CSMD1: variants seen among roughly 807,000 people sequenced by gnomAD.
The protein encoded by CSMD1 is CUB and Sushi multiple domains 1.
Under a neutral mutation model 417.5 loss-of-function variants are expected in CSMD1, and 213 were observed. The ratio of observed to expected loss-of-function variants is 0.51; its 90% CI spans 0.46 to 0.57. The LOEUF (loss-of-function observed/expected upper bound fraction) is 0.57. Ranked by LOEUF, CSMD1 falls within the 20% of genes least tolerant of loss-of-function variation. The probability of loss-of-function intolerance (pLI) is 0.00; values close to 1 mark genes in which losing one functional copy is unlikely to be tolerated. For missense variants in CSMD1, 6,923 were observed against 4,529.7 expected, an observed-to-expected ratio of 1.53 and a Z score of -15.17; for synonymous variants, 2,862 against 1,736.8, an observed-to-expected ratio of 1.65 and a Z score of -16.11.
At chr8:4,984,602 C>T (rs542260847) in intron 1 of CSMD1, among the ~76,000 whole-genome samples, 2 of 152,310 alleles carry the variant, frequency 1.3e-5, no homozygotes, top group African/African-American at 4.8e-5. Flanking sequence ...CTGTTCCCTT[C>T]CTCCTCCATT....
chr8:4,687,141 G>A (rs983633029), intron 1 of CSMD1, among the ~76,000 whole-genome samples: 5 of 152,206 alleles, frequency 3.3e-5, no homozygotes, highest in African/African-American at 9.6e-5. Flanking sequence ...CATGGGCCAG[G>A]GAAGAGCACC....
intron 41 of CSMD1, among the ~76,000 whole-genome samples, chr8:3,133,134 C>T (rs534949412): frequency 6.8e-4 from 104 of 152,320 alleles, no homozygotes; most frequent in African/African-American, 1.7e-3. Flanking sequence ...CAGCGTGGGC[C>T]GGCACACAGC....
chr8:3,961,210 T>C (rs1420582388), intron 5 of CSMD1, among the ~76,000 whole-genome samples: 1 of 152,164 alleles, frequency 6.6e-6, no homozygotes, highest in Non-Finnish European at 1.5e-5. Context: ...TTGTCTCAAT[T>C]AAGGAGATTT....
At chr8:3,836,491 G>C (rs982203505) in intron 5 of CSMD1, among the ~76,000 whole-genome samples, 3 of 152,106 alleles carry the variant, frequency 2.0e-5, no homozygotes, top group Admixed American at 6.6e-5. Flanking sequence ...GATTGTTGCT[G>C]TATATACTAA....
chr8:3,416,100 G>A (rs889970985), intron 12 of CSMD1, among the ~76,000 whole-genome samples: 2 of 152,072 alleles, frequency 1.3e-5, no homozygotes, highest in African/African-American at 4.8e-5. Flanking sequence ...AGGAGATCGA[G>A]ACCATCCTGG....
At chr8:3,652,231 A>G (rs1037418313) in intron 7 of CSMD1, among the ~76,000 whole-genome samples, 2 of 151,474 alleles carry the variant, frequency 1.3e-5, no homozygotes, top group Non-Finnish European at 2.9e-5. Context: ...CATCACCACC[A>G]GAGCGCCTAC....
chr8:4,512,221 AC>A (rs1354220250), intron 2 of CSMD1, among the ~76,000 whole-genome samples: 2 of 152,232 alleles, frequency 1.3e-5, no homozygotes, highest in Non-Finnish European at 2.9e-5. Flanking sequence ...AAAGCAATTA[AC>A]AAAATCCAAT....
intron 3 of CSMD1, among the ~76,000 whole-genome samples, chr8:4,186,896 T>G (rs953797418): frequency 5.9e-5 from 9 of 151,410 alleles, no homozygotes; most frequent in African/African-American, 2.2e-4. Context: ...CTCGGGAGGC[T>G]GAGGCAGGAG....
At chr8:4,291,006 T>G (rs890043774) in intron 3 of CSMD1, among the ~76,000 whole-genome samples, 1 of 152,294 alleles carries the variant, frequency 6.6e-6, no homozygotes, top group East Asian at 1.9e-4. Flanking sequence ...AATGTATATG[T>G]AATGATGTCA....
At chr8:4,728,252 T>C (rs1809602670) in intron 1 of CSMD1, among the ~76,000 whole-genome samples, 1 of 150,224 alleles carries the variant, frequency 6.7e-6, no homozygotes, top group Admixed American at 6.7e-5. Flanking sequence ...TGATATGAAG[T>C]AAAATGCATG....
chr8:3,145,073 G>T (rs919478341), intron 40 of CSMD1, among the ~76,000 whole-genome samples: 53 of 144,008 alleles, frequency 3.7e-4, no homozygotes, highest in African/African-American at 1.3e-3. Context: ...GCATGCATTT[G>T]TGTGTCTGTG....
At chr8:4,757,295 C>T (rs368648005) in intron 1 of CSMD1, among the ~76,000 whole-genome samples, 6 of 152,288 alleles carry the variant, frequency 3.9e-5, no homozygotes, top group Non-Finnish European at 5.9e-5. Flanking sequence ...AAAAGATATA[C>T]GTGACTAATC....
chr8:4,782,427 A>T (rs991862206), intron 1 of CSMD1, among the ~76,000 whole-genome samples: 4 of 152,150 alleles, frequency 2.6e-5, no homozygotes, highest in African/African-American at 9.7e-5. Flanking sequence ...AAGACACCAC[A>T]GTTTTATTTT....
At chr8:4,653,277 C>T (rs1423427857) in intron 1 of CSMD1, among the ~76,000 whole-genome samples, 1 of 152,028 alleles carries the variant, frequency 6.6e-6, no homozygotes, top group Non-Finnish European at 1.5e-5. Flanking sequence ...CCACAGACTC[C>T]CAAGTAACTG....
chr8:4,826,648 C>T (rs1160715385), intron 1 of CSMD1, among the ~76,000 whole-genome samples: 1 of 152,080 alleles, frequency 6.6e-6, no homozygotes, highest in Admixed American at 6.6e-5. Context: ...GGCACTTGCA[C>T]CTCACTCTCA....
At chr8:4,341,424 G>T (rs1015516832) in intron 3 of CSMD1, among the ~76,000 whole-genome samples, 5 of 152,054 alleles carry the variant, frequency 3.3e-5, no homozygotes, top group African/African-American at 1.2e-4. Context: ...AGAGGAAAAT[G>T]TTTGAAGATA....
chr8:4,679,580 C>G (rs1208792068), intron 1 of CSMD1, among the ~76,000 whole-genome samples: 1 of 152,116 alleles, frequency 6.6e-6, no homozygotes, highest in Non-Finnish European at 1.5e-5. Context: ...ACTATGAAAA[C>G]TGCAATAAGT....
chr8:3,739,950 G>T (rs770771753), intron 6 of CSMD1, among the ~76,000 whole-genome samples: 5 of 152,154 alleles, frequency 3.3e-5, no homozygotes, highest in African/African-American at 1.2e-4. Flanking sequence ...AGAAACTAAT[G>T]CCAGAGTTCG....
In CSMD1 at chr8:3,018,547, C is replaced by A. The variant is rs764172416; in HGVS notation, c.7959G>T (p.Thr2653=). The change falls in exon 52 of 70, where the codon ACG becomes ACT. Residue 2653 remains threonine (T), a synonymous_variant. Coordinates refer to ENST00000635120, the MANE Select transcript of CSMD1 (RefSeq NM_033225.6). ...ACTCTCTGACATGAGACCCCACAAG[C>A]GTGTAGCCGGTGTTGCACGTAAATA... ...TAIFTCNTGY[T]LVGSHVRECL... 8 of 1,613,632 alleles carry A rather than the reference C, an allele frequency of 5.0e-6. No individual in the cohort carries two copies. The African/African-American group carries it at 8.0e-5, about 16-fold the overall frequency.
Sources: allele counts gnomAD v4.1 joint callset (sites outside exome capture counted in the v4.1 genomes callset), GRCh38; gene constraint gnomAD v4.1.1; transcripts MANE v1.5; gene names NCBI Gene and HGNC (gene_info 2026-07-23, HGNC 2026-07-21).